The following DMD variants were observed in gnomAD, a reference collection of about 807,000 sequenced individuals.
The protein encoded by DMD is mutant dystrophin.
In DMD, 63 loss-of-function variants were observed where a neutral mutation model predicts 330.1. That is an observed-to-expected ratio of 0.19 (90% CI 0.16 to 0.24). The LOEUF is 0.24. Ranked by LOEUF, DMD falls within the 10% of genes least tolerant of loss-of-function variation. DMD has a pLI of 1.00. For missense variants in DMD, 3,344 were observed against 2,684.1 expected (o/e 1.25, Z -5.43); for synonymous variants, 1,223 against 959.8 (o/e 1.27, Z -5.07).
At chrX:33,160,279 G>A (rs1178020637) in intron 1 of DMD, among the ~76,000 whole-genome samples, 3 of 111,638 alleles carry the variant, frequency 2.7e-5, no homozygotes, top group Non-Finnish European at 3.8e-5. Context: ...TAACCCCACT[G>A]TAAGTCGAGG....
intron 11 of DMD, among the ~76,000 whole-genome samples, chrX:32,623,250 G>A (rs1333702876): frequency 1.8e-5 from 2 of 111,774 alleles, no homozygotes; most frequent in Non-Finnish European, 3.8e-5. Context: ...TTTTCTGGGT[G>A]ATTAGCAAGG....
At chrX:32,699,841 A>G (rs776309204) in intron 7 of DMD, among the ~76,000 whole-genome samples, 1 of 111,935 alleles carries the variant, frequency 8.9e-6, no homozygotes, top group South Asian at 3.7e-4. Context: ...GAAAAATACC[A>G]TATAATGATT....
At position 31,331,096 on chromosome X, in the gene DMD, AG is replaced by A. The variant is rs747950040; in HGVS notation, c.9164-7439del. ...AGGAAGGTCACAAGAGTGATGAATG[AG>A]ACCTCTAATGTCTGCCATAGCTGTG... On this transcript the variant is annotated intron_variant, in intron 61 of 78. Coordinates refer to ENST00000357033, the MANE Select transcript of DMD (RefSeq NM_004006.3). 1.5e-3 allele frequency among the ~76,000 whole-genome samples: 174 copies of A among 112,349 alleles called. 1 individual carries two copies. The highest frequency in any genetic ancestry group is 5.3e-3 in the African/African-American group (164 of 30,976).
chrX:33,300,655 A>G (rs1228989226), intron 1 of DMD, among the ~76,000 whole-genome samples: 1 of 111,752 alleles, frequency 8.9e-6, no homozygotes, highest in Non-Finnish European at 1.9e-5. Context: ...AGAGAGGCCC[A>G]AGAGGCCTTG....
At chrX:32,528,905 C>CTTTTTTTTTTTTT in intron 17 of DMD, among the ~76,000 whole-genome samples, 1 of 59,843 alleles carries the variant, frequency 1.7e-5, no homozygotes, top group South Asian at 1.3e-3. Context: ...CAATGTATTT[C>CTTTTTTTTTTTTT]TTTTTTTTTT....
chrX:32,709,876 G>A (rs2065026240), intron 7 of DMD, among the ~76,000 whole-genome samples: 2 of 111,100 alleles, frequency 1.8e-5, no homozygotes, highest in Admixed American at 1.9e-4. Flanking sequence ...CCTTTAGATT[G>A]TTTTACCAAT....
At chrX:32,134,500 T>G (rs1299469100) in intron 44 of DMD, among the ~76,000 whole-genome samples, 2 of 110,819 alleles carry the variant, frequency 1.8e-5, no homozygotes, top group Non-Finnish European at 3.8e-5. Context: ...ATGTCCTTTT[T>G]TTTTCTACTG....
At chrX:32,317,321 C>T (rs1020423006) in intron 41 of DMD, among the ~76,000 whole-genome samples, 25 of 111,008 alleles carry the variant, frequency 2.3e-4, no homozygotes, top group African/African-American at 6.5e-4. Context: ...ATGAAAAGTT[C>T]GATCAATGCT....
At chrX:32,161,900 G>A (rs1603627417) in intron 44 of DMD, among the ~76,000 whole-genome samples, 1 of 111,918 alleles carries the variant, frequency 8.9e-6, no homozygotes, top group Non-Finnish European at 1.9e-5. Flanking sequence ...TGCAGATGAG[G>A]ACACTGAGGC....
chrX:31,209,754 G>A (rs1418656833), intron 64 of DMD, 55 bp from the exon 65 acceptor site: 2 of 1,111,705 alleles, frequency 1.8e-6, no homozygotes, highest in Non-Finnish European at 2.4e-6. Flanking sequence ...CTTCCTTTCA[G>A]TGTCCTTTTT....
chrX:32,148,575 G>C (rs1420208779), intron 44 of DMD, among the ~76,000 whole-genome samples: 1 of 107,063 alleles, frequency 9.3e-6, no homozygotes, highest in Non-Finnish European at 1.9e-5. Flanking sequence ...GTTTTGTTTT[G>C]TTTTACCAGA....
intron 63 of DMD, among the ~76,000 whole-genome samples, chrX:31,232,892 A>G (rs893207101): frequency 4.5e-5 from 5 of 112,177 alleles, no homozygotes; most frequent in Non-Finnish European, 9.4e-5. Context: ...CTACTCCTCA[A>G]TTCCATATTT....
chrX:32,149,725 A>G (rs2096795561), intron 44 of DMD, among the ~76,000 whole-genome samples: 1 of 111,705 alleles, frequency 9.0e-6, no homozygotes, highest in Non-Finnish European at 1.9e-5. Context: ...AACTTTATCA[A>G]TAAAGTTTCT....
chrX:31,554,358 G>T (rs1372119294), intron 55 of DMD, among the ~76,000 whole-genome samples: 1 of 111,522 alleles, frequency 9.0e-6, no homozygotes, highest in Non-Finnish European at 1.9e-5. Context: ...CTTCCAAGAT[G>T]ATGCTAATGA....
At chrX:33,223,444 C>G (rs1439269638) in intron 1 of DMD, among the ~76,000 whole-genome samples, 1 of 112,266 alleles carries the variant, frequency 8.9e-6, no homozygotes, top group Non-Finnish European at 1.9e-5. Context: ...ATCAATGGAA[C>G]AGAATAGAGA....
chrX:31,370,214 C>G (rs1279970159), intron 60 of DMD, among the ~76,000 whole-genome samples: 4 of 110,986 alleles, frequency 3.6e-5, no homozygotes, highest in South Asian at 3.8e-4. Context: ...TAAATTCAAC[C>G]TCGCCAAAAT....
chrX:32,307,428 C>T (rs1427800397), intron 42 of DMD, among the ~76,000 whole-genome samples: 1 of 111,573 alleles, frequency 9.0e-6, no homozygotes, highest in Non-Finnish European at 1.9e-5. Context: ...CTACCTGACA[C>T]TCATGAGCTT....
At chrX:32,980,743 T>G (rs2092687696) in intron 2 of DMD, among the ~76,000 whole-genome samples, 1 of 111,915 alleles carries the variant, frequency 8.9e-6, no homozygotes, top group Admixed American at 9.5e-5. Flanking sequence ...TTTGAGAAAA[T>G]TATTAAATCT....
intron 62 of DMD, among the ~76,000 whole-genome samples, chrX:31,278,518 G>A (rs1007780561): frequency 9.0e-6 from 1 of 111,548 alleles, no homozygotes; most frequent in Non-Finnish European, 1.9e-5. Context: ...TTGGGTGGCT[G>A]TTTGGGAGTA....
Sources: gnomAD v4.1 joint callset for allele counts (sites outside exome capture counted in the v4.1 genomes callset) on GRCh38, gnomAD v4.1.1 for gene constraint, MANE v1.5 for transcripts, NCBI Gene and HGNC (gene_info 2026-07-23, HGNC 2026-07-21) for gene names.